SRGAP2: variants seen among roughly 807,000 people sequenced by gnomAD.
SRGAP2 encodes the protein SLIT-ROBO Rho GTPase-activating protein 2.
Under a neutral mutation model 57.2 loss-of-function variants are expected in SRGAP2, and 15 were observed. The ratio of observed to expected loss-of-function variants is 0.26; its 90% CI spans 0.18 to 0.40. The LOEUF is 0.40. Ranked by LOEUF, SRGAP2 falls within the 10% of genes least tolerant of loss-of-function variation. The pLI is 1.00. For synonymous variants in SRGAP2, 249 were observed against 248.0 expected, an observed-to-expected ratio of 1.00 and a Z score of -0.04; for missense variants, 520 against 669.6, an observed-to-expected ratio of 0.78 and a Z score of 2.47.
intron 13 of SRGAP2, 31 bp downstream of exon 13, chr1:206,421,305 G>A (rs2103248128): frequency 1.3e-6 from 1 of 769,624 alleles, no homozygotes; most frequent in Non-Finnish European, 2.4e-6. Context: ...AGGCTGGTCT[G>A]GCCTGAAAAT....
intron 18 of SRGAP2, among the ~76,000 whole-genome samples, chr1:206,447,901 G>T (rs10158553): frequency 0.37 from 56,508 of 151,956 alleles, 11,477 homozygotes; most frequent in East Asian, 0.66. Flanking sequence ...CTCCAAGATA[G>T]TCTCCCAACC....
chr1:206,383,471 C>T (rs1655899716), intron 4 of SRGAP2, among the ~76,000 whole-genome samples: 2 of 152,308 alleles, frequency 1.3e-5, no homozygotes, highest in South Asian at 4.2e-4. Context: ...GCTAATCTCA[C>T]AGGCAGTCAA....
intron 14 of SRGAP2, among the ~76,000 whole-genome samples, chr1:206,433,928 T>C (rs1553369143): frequency 1.3e-5 from 2 of 152,208 alleles, no homozygotes; most frequent in South Asian, 2.1e-4. Flanking sequence ...AGCAAATATA[T>C]TGTGGATTTT....
chr1:206,404,549 A>G (rs868994883), intron 8 of SRGAP2, among the ~76,000 whole-genome samples: 14 of 148,038 alleles, frequency 9.5e-5, no homozygotes, highest in Admixed American at 5.4e-4. Flanking sequence ...CACATCTCCA[A>G]TGGGAGACAG....
chr1:206,373,724 ACT>A (rs1187315525), intron 4 of SRGAP2, among the ~76,000 whole-genome samples: 2 of 83,394 alleles, frequency 2.4e-5, no homozygotes, highest in Non-Finnish European at 2.3e-5. Context: ...ATAGAGCGAG[ACT>A]CTGTCTCAAA....
intron 13 of SRGAP2, among the ~76,000 whole-genome samples, chr1:206,423,491 G>A (rs561550774): frequency 9.2e-5 from 14 of 152,196 alleles, no homozygotes; most frequent in African/African-American, 3.1e-4. Flanking sequence ...CAGTCTCACC[G>A]TCCCCCATCA....
intron 16 of SRGAP2, among the ~76,000 whole-genome samples, chr1:206,439,396 G>A (rs1380224027): frequency 1.3e-5 from 2 of 151,964 alleles, no homozygotes; most frequent in African/African-American, 4.8e-5. Context: ...TGCAGATAAG[G>A]GAGGGAGAAG....
chr1:206,431,538 C>T (rs1471090356), intron 14 of SRGAP2, among the ~76,000 whole-genome samples: 2 of 152,152 alleles, frequency 1.3e-5, no homozygotes, highest in African/African-American at 2.4e-5. Flanking sequence ...GCCTAAGAGA[C>T]AATAGGAAGA....
intron 4 of SRGAP2, among the ~76,000 whole-genome samples, chr1:206,369,132 T>C (rs1226924745): frequency 6.6e-6 from 1 of 152,072 alleles, no homozygotes; most frequent in Non-Finnish European, 1.5e-5. Flanking sequence ...GAGAAACAGC[T>C]AGACCCACAG....
At chr1:206,278,212 GACAA>G (rs1408541781) in intron 2 of SRGAP2, among the ~76,000 whole-genome samples, 16 of 150,418 alleles carry the variant, frequency 1.1e-4, no homozygotes, top group African/African-American at 3.7e-4. Flanking sequence ...GGAAGAGGGA[GACAA>G]ACAATAAACA....
At chr1:206,347,710 A>G (rs1392812881) in intron 4 of SRGAP2, among the ~76,000 whole-genome samples, 3 of 150,736 alleles carry the variant, frequency 2.0e-5, no homozygotes, top group Non-Finnish European at 2.9e-5. Context: ...TGTACAGAGA[A>G]GAGAAAATCC....
intron 21 of SRGAP2, 122 bp from the exon 22 acceptor site, chr1:206,458,501 G>C (rs782379327): frequency 1.4e-6 from 1 of 710,468 alleles, no homozygotes; most frequent in African/African-American, 1.8e-5. Context: ...AGGAGAGAAC[G>C]AGTTCTGTGT....
chr1:206,404,802 A>G (rs1204244047), intron 8 of SRGAP2, among the ~76,000 whole-genome samples: 1 of 151,718 alleles, frequency 6.6e-6, no homozygotes, highest in African/African-American at 2.4e-5. Context: ...TTGTAAACAC[A>G]TGCTGGCTGC....
At chr1:206,430,892 T>C (rs1661228178) in intron 14 of SRGAP2, among the ~76,000 whole-genome samples, 1 of 152,202 alleles carries the variant, frequency 6.6e-6, no homozygotes, top group East Asian at 1.9e-4. Flanking sequence ...TGCCAGAGAA[T>C]TGATTTCCCA....
intron 4 of SRGAP2, among the ~76,000 whole-genome samples, chr1:206,354,990 A>G: frequency 6.6e-6 from 1 of 152,216 alleles, no homozygotes; most frequent in Non-Finnish European, 1.5e-5. Flanking sequence ...TTTATTGTAC[A>G]TACTATTTTG....
At chr1:206,408,791 C>T (rs1424136803) in intron 10 of SRGAP2, among the ~76,000 whole-genome samples, 5 of 151,118 alleles carry the variant, frequency 3.3e-5, no homozygotes, top group Admixed American at 2.0e-4. Context: ...CTGGTAACCT[C>T]GCAAATCCTG....
intron 10 of SRGAP2, among the ~76,000 whole-genome samples, chr1:206,414,029 CTTTCTTTTTTTTT>C (rs1338404240): frequency 1.4e-5 from 2 of 145,152 alleles, no homozygotes; most frequent in African/African-American, 5.3e-5. Flanking sequence ...TTTTCTTTTT[CTTTCTTTTTTTTT>C]TTTTTTTGAG....
chr1:206,460,987 G>GTTCC, intron 22 of SRGAP2, 50 bp from the exon 23 acceptor site: 1 of 661,832 alleles, frequency 1.5e-6, no homozygotes, highest in South Asian at 1.7e-5. Flanking sequence ...CGGCTCCTTG[G>GTTCC]GGAATTCTCC....
chr1:206,372,973 C>CT (rs1491112238), intron 4 of SRGAP2, among the ~76,000 whole-genome samples: 3 of 31,186 alleles, frequency 9.6e-5, no homozygotes, highest in African/African-American at 2.6e-4. Flanking sequence ...TCCTTTCTTT[C>CT]TTTCTTTCTT....
Sources: gnomAD v4.1 joint callset for allele counts (sites outside exome capture counted in the v4.1 genomes callset) on GRCh38, gnomAD v4.1.1 for gene constraint, MANE v1.5 for transcripts, NCBI Gene and HGNC (gene_info 2026-07-23, HGNC 2026-07-21) for gene names.